The following WDPCP variants were observed in gnomAD, a reference collection of about 807,000 sequenced individuals.
The protein encoded by WDPCP is WD repeat containing planar cell polarity effector, also known as WD repeat-containing and planar cell polarity effector protein fritz homolog.
Under a neutral mutation model 93.1 loss-of-function variants are expected in WDPCP, and 71 were observed. The ratio of observed to expected loss-of-function variants is 0.76; its 90% confidence interval spans 0.63 to 0.93. WDPCP has a LOEUF of 0.93. Among genes scored for constraint, WDPCP ranks in the 40% least tolerant of loss-of-function variants. The pLI, the probability that WDPCP is intolerant of heterozygous loss-of-function variation, is 0.00. For missense variants in WDPCP, 844 were observed against 887.4 expected, an observed-to-expected ratio of 0.95 and a Z score of 0.62; for synonymous variants, 315 against 315.0, an observed-to-expected ratio of 1.00 and a Z score of 0.00.
intron 1 of WDPCP, among the ~76,000 whole-genome samples, chr2:63,497,731 A>G (rs1416008534): frequency 6.6e-6 from 1 of 152,226 alleles, no homozygotes; most frequent in African/African-American, 2.4e-5. Context: ...CCAGTTAAAA[A>G]GAATGCTGGT....
chr2:63,597,749 A>G (rs759642510), intron 3 of WDPCP: 8 of 466,870 alleles, frequency 1.7e-5, no homozygotes, highest in Admixed American at 8.9e-5. Context: ...TTTTTCTTAC[A>G]GTATAGAAAT....
At chr2:63,542,789 C>T (rs778321109) in intron 1 of WDPCP, among the ~76,000 whole-genome samples, 4 of 152,154 alleles carry the variant, frequency 2.6e-5, no homozygotes, top group African/African-American at 7.2e-5. Flanking sequence ...CAGTCTCTGA[C>T]GCATATGTAT....
chr2:63,407,647 C>A (rs1280387179), intron 9 of WDPCP, among the ~76,000 whole-genome samples: 1 of 152,134 alleles, frequency 6.6e-6, no homozygotes, highest in Non-Finnish European at 1.5e-5. Flanking sequence ...TATGCTACAC[C>A]AAAAGTATCC....
chr2:63,342,653 T>A lies in WDPCP; in HGVS notation c.1749-29342A>T, dbSNP rs550595009. On this transcript the variant is annotated intron_variant, in intron 12 of 17. Coordinates refer to ENST00000272321, the MANE Select transcript of WDPCP (RefSeq NM_015910.7). Reference sequence around the variant, plus strand: ...AATACTTTGCTTCTCTATAGCTCTATCTACCCTGTTATTATTGTCATAAAT... The same window carrying A: ...AATACTTTGCTTCTCTATAGCTCTAACTACCCTGTTATTATTGTCATAAAT... 3.9e-5 allele frequency among the ~76,000 whole-genome samples: 6 copies of A among 152,344 alleles called. No homozygotes were observed. The South Asian group carries it at 1.2e-3, about 32-fold the overall frequency.
chr2:63,547,586 C>G (rs1025872661), intron 1 of WDPCP, among the ~76,000 whole-genome samples: 2 of 151,856 alleles, frequency 1.3e-5, no homozygotes, highest in Admixed American at 1.3e-4. Flanking sequence ...CATACACACA[C>G]AGACACACAC....
intron 10 of WDPCP, among the ~76,000 whole-genome samples, chr2:63,399,803 T>A (rs562014685): frequency 6.6e-6 from 1 of 152,228 alleles, no homozygotes; most frequent in South Asian, 2.1e-4. Context: ...ACTCCAAACA[T>A]TTTTTTCTTG....
chr2:63,600,550 G>C (rs1382004542), intron 3 of WDPCP, among the ~76,000 whole-genome samples: 1 of 152,152 alleles, frequency 6.6e-6, no homozygotes, highest in East Asian at 1.9e-4. Context: ...TTCTTATGAG[G>C]ATTAAATAAG....
chr2:63,349,607 G>A (rs1294527778), intron 12 of WDPCP, among the ~76,000 whole-genome samples: 3 of 151,464 alleles, frequency 2.0e-5, no homozygotes, highest in African/African-American at 7.3e-5. Flanking sequence ...GAATCCTCTG[G>A]GGAAAAAAAA....
rs540887287 is a variant in WDPCP, at chr2:63,514,695, TA to T, written c.76-21756del. Among the ~76,000 whole-genome samples, 30 of 152,228 alleles carry T rather than the reference TA, an allele frequency of 2.0e-4. No homozygotes were observed. The East Asian group carries it at 5.8e-3, about 29-fold the overall frequency. ...TAGCTCTAGATAGACGTTAAACACCTAAATACAGATATAGAGCTCAGGAGTT... is the reference window on the plus strand; with the variant it reads ...TAGCTCTAGATAGACGTTAAACACCTAATACAGATATAGAGCTCAGGAGTT... On this transcript the variant is annotated intron_variant, in intron 1 of 17. Transcript: ENST00000272321.
At chr2:63,420,172 G>A (rs1019300305) in intron 9 of WDPCP, among the ~76,000 whole-genome samples, 6 of 151,830 alleles carry the variant, frequency 4.0e-5, no homozygotes, top group African/African-American at 1.5e-4. Context: ...AGAATAATAT[G>A]ATAAATGTGA....
chr2:63,281,976 TA>T (rs148963515), intron 13 of WDPCP, among the ~76,000 whole-genome samples: 14 of 147,668 alleles, frequency 9.5e-5, no homozygotes, highest in South Asian at 2.1e-4. Context: ...CCTATTGAAA[TA>T]AAAAAAAAAT....
intron 14 of WDPCP, among the ~76,000 whole-genome samples, chr2:63,245,560 A>G (rs1478839323): frequency 6.6e-6 from 1 of 152,164 alleles, no homozygotes; most frequent in African/African-American, 2.4e-5. Context: ...TGAAAAATAG[A>G]AAAACAATGC....
upstream of WDPCP, among the ~76,000 whole-genome samples, chr2:63,832,415 T>C (rs1671227201): frequency 6.6e-6 from 1 of 151,656 alleles, no homozygotes; most frequent in Admixed American, 6.6e-5. Flanking sequence ...CAACACAGAC[T>C]CCAGGTGTTG....
At chr2:63,270,943 T>C (rs867097043) in intron 13 of WDPCP, among the ~76,000 whole-genome samples, 6 of 152,238 alleles carry the variant, frequency 3.9e-5, no homozygotes, top group Middle Eastern at 3.4e-3. Flanking sequence ...TCACAAGAAA[T>C]GATATGCTTC....
chr2:63,173,225 G>A (rs925259513), intron 15 of WDPCP, among the ~76,000 whole-genome samples: 2 of 150,442 alleles, frequency 1.3e-5, no homozygotes, highest in African/African-American at 4.9e-5. Flanking sequence ...CTGAGGTCAT[G>A]CCATTGCACT....
chr2:63,341,551 A>G (rs1343455070), intron 12 of WDPCP, among the ~76,000 whole-genome samples: 3 of 152,206 alleles, frequency 2.0e-5, no homozygotes, highest in Admixed American at 1.3e-4. Context: ...GGGTGTCGTT[A>G]GTTTATAGCA....
chr2:63,475,382 C>T (rs1379211882), intron 6 of WDPCP, among the ~76,000 whole-genome samples: 1 of 152,058 alleles, frequency 6.6e-6, no homozygotes, highest in Admixed American at 6.6e-5. Context: ...TTTATGAAAT[C>T]TTAACCAACT....
Position 63,607,297 on chromosome 2 carries a change from G to C in WDPCP, n.488+43362C>G, listed in dbSNP as rs149421245. ...GACACCTGTAATCCCAGCACTTTGGGAAGCTTGAGATGGGTGGATCACCTG... is the reference window on the plus strand; with the variant it reads ...GACACCTGTAATCCCAGCACTTTGGCAAGCTTGAGATGGGTGGATCACCTG... On this transcript the variant is annotated intron_variant and non_coding_transcript_variant, in intron 3 of 4. Coordinates refer to the WDPCP transcript ENST00000467687. The C allele has an allele frequency of 5.6e-3, 956 of 169,824 alleles. 8 individuals are homozygous for C. The highest frequency in any genetic ancestry group is 0.022 in the African/African-American group (928 of 41,838). The allele number at this position is 169,824 out of a possible 1,614,324, so 10.5% of individuals were successfully genotyped here. A position where few individuals can be genotyped will look rare whatever the true frequency, so the allele number is the denominator to read the frequency against.
At chr2:63,200,510 T>TA (rs1675821296) in intron 14 of WDPCP, among the ~76,000 whole-genome samples, 1 of 152,262 alleles carries the variant, frequency 6.6e-6, no homozygotes, top group Admixed American at 6.5e-5. Context: ...TATTCAGCCA[T>TA]AAAAAAGAAT....
Sources: allele counts gnomAD v4.1 joint callset (sites outside exome capture counted in the v4.1 genomes callset), GRCh38; gene constraint gnomAD v4.1.1; transcripts MANE v1.5; gene names NCBI Gene and HGNC (gene_info 2026-07-23, HGNC 2026-07-21).